Variants in CHRNA4 observed in about 807,000 individuals in gnomAD.
CHRNA4 encodes neuronal acetylcholine receptor subunit alpha-4.
In CHRNA4, 28 loss-of-function variants were observed where a neutral mutation model predicts 48.9. The observed-to-expected ratio is 0.57, with a 90% confidence interval of 0.42 to 0.79. The LOEUF is 0.79. CHRNA4 is among the 30% of genes least tolerant of loss of function. CHRNA4 has a pLI of 0.00. For synonymous variants in CHRNA4, 425 were observed against 402.3 expected (o/e 1.06, Z -0.68); for missense variants, 859 against 898.4 (o/e 0.96, Z 0.56).
chr20:63,355,286 G>A (rs777095886), intron 4 of CHRNA4: 10 of 352,626 alleles, frequency 2.8e-5, no homozygotes, highest in Non-Finnish European at 3.4e-5. Context: ...CGGCCAATCC[G>A]TGGCAACGCT....
At chr20:63,359,897 C>CCGGGCGTGCGCTG (rs2068783985) in intron 1 of CHRNA4, 198 bp from the exon 2 acceptor site, 1 of 406,052 alleles carries the variant, frequency 2.5e-6, no homozygotes, top group African/African-American at 3.4e-5. Flanking sequence ...CGGGCGTGTG[C>CCGGGCGTGCGCTG]TGTGTGTGTG....
chr20:63,350,794 C>G lies in CHRNA4; in HGVS notation c.617G>C (p.Ser206Thr), dbSNP rs121912249. 6.2e-7 allele frequency: 1 copy of G among 1,613,704 alleles called. No individual in the cohort carries two copies. The highest frequency in any genetic ancestry group is 1.3e-5 in the African/African-American group (1 of 74,866). ...GGCATCCACGATGACCCACTCGCCA[C>G]TCTCCCAGAAGTCCAGCTGGTCCAC... is the stretch of plus-strand genomic sequence containing the variant. Reference protein sequence around the residue: ...SRVDQLDFWESGEWVIVDAVG... With the variant: ...SRVDQLDFWETGEWVIVDAVG... Residue 206 changes from serine (S) to threonine (T), a missense_variant, in exon 5 of 6, where the codon AGT becomes ACT. Around this residue, in one of 3 missense-constraint regions of CHRNA4, gnomAD observed 342 missense variants for 365.3 expected, o/e 0.94. Coordinates refer to ENST00000370263, the MANE Select transcript of CHRNA4 (RefSeq NM_000744.7).
intron 4 of CHRNA4, among the ~76,000 whole-genome samples, chr20:63,354,966 A>C (rs1164993699): frequency 6.6e-6 from 1 of 152,118 alleles, no homozygotes. Context: ...CCATTACTGG[A>C]ATCAATTGAG....
chr20:63,345,266 T>C lies in CHRNA4; in HGVS notation c.*1472A>G. On this transcript the variant is annotated 3_prime_UTR_variant, in exon 6 of 6. Transcript: ENST00000370263. This position sits in a 1 kb window ranked among gnomAD's most constrained non-coding sequence, Gnocchi z 5.4. ...GCCCAACCCCATCCCCACCCCTGGC[T>C]GGATGGGGTCTGGGGGCAGCAGAAT... The C allele has an allele frequency of 2.2e-6, 1 of 452,422 alleles. No individual in the cohort carries two copies. The highest frequency in any genetic ancestry group is 1.6e-5 in the South Asian group (1 of 64,388). 28.0% of individuals were successfully genotyped at this position (452,422 alleles called of 1,614,324 possible).
At chr20:63,353,499 AGGGGGGGCTGCGGTC>A (rs2068649071) in intron 4 of CHRNA4, among the ~76,000 whole-genome samples, 4 of 11,566 alleles carry the variant, frequency 3.5e-4, no homozygotes, top group South Asian at 3.9e-3. Context: ...CTGTGGTCCT[AGGGGGGGCTGCGGTC>A]CTGGGGGGCT....
intron 4 of CHRNA4, among the ~76,000 whole-genome samples, chr20:63,352,541 C>CG (rs1204593474): frequency 3.9e-5 from 6 of 152,164 alleles, no homozygotes; most frequent in African/African-American, 1.4e-4. Flanking sequence ...GTCCCTCCAG[C>CG]GGGGGGCGGG....
rs202150684 is a variant in CHRNA4 at position 63,351,041 on chromosome 20, G to C, written c.384-14C>G. Reference sequence around the variant, plus strand: ...TCCCCGTCAGCACTGGGCAGGAAGAGAGCGAAGGGTGTGAGACCCCCACAT... The same window carrying C: ...TCCCCGTCAGCACTGGGCAGGAAGACAGCGAAGGGTGTGAGACCCCCACAT... On this transcript the variant is annotated splice_polypyrimidine_tract_variant and intron_variant, in intron 4 of 5. Coordinates refer to ENST00000370263, the MANE Select transcript of CHRNA4 (RefSeq NM_000744.7). The C allele has an allele frequency of 4.4e-5, 71 of 1,609,530 alleles. No homozygotes were observed. In the South Asian group the frequency reaches 6.5e-4, roughly 15 times the overall value.
chr20:63,353,518 G>A (rs1472686727), intron 4 of CHRNA4, among the ~76,000 whole-genome samples: 1 of 119,114 alleles, frequency 8.4e-6, no homozygotes, highest in Middle Eastern at 3.9e-3. Context: ...TGCGGTCCTG[G>A]GGGGCTGTGG....
rs1555835954 is a variant in CHRNA4, at chr20:63,343,639, C to CA, written c.*3098_*3099insT. On this transcript the variant is annotated 3_prime_UTR_variant, in exon 6 of 6. Coordinates refer to ENST00000370263, the MANE Select transcript of CHRNA4 (RefSeq NM_000744.7). ...CCACGTCGCCCCAGGCCGGGCCACA[C>CA]GGGAAGCACCCAGGCCGGTCCGGAG... 23 of 452,010 alleles carry CA rather than the reference C, an allele frequency of 5.1e-5. No individual in the cohort carries two copies. The highest frequency in any genetic ancestry group is 1.0e-4 in the Non-Finnish European group (23 of 225,266). 28.0% of individuals were successfully genotyped at this position (452,010 alleles called of 1,614,324 possible).
At position 63,349,596 on chromosome 20, in the gene CHRNA4, C is replaced by T. The variant is rs1053570957; in HGVS notation, c.1758+57G>A. ...TGGATTACACACCAGGAAGAAAGGG[C>T]GTCCGCCGGTTCCGTCTGGGTCAGA... is the stretch of plus-strand genomic sequence containing the variant. On this transcript the variant is annotated intron_variant, in intron 5 of 5. Transcript: ENST00000370263. 1.2e-5 allele frequency: 19 copies of T among 1,601,974 alleles called. No homozygotes were observed. In the South Asian group the frequency reaches 1.4e-4, roughly 12 times the overall value.
At chr20:63,346,955 C>T in intron 5 of CHRNA4, 92 bp from the exon 6 acceptor site, 2 of 1,567,602 alleles carry the variant, frequency 1.3e-6, no homozygotes, top group Non-Finnish European at 1.7e-6. Flanking sequence ...AACAGCTTCT[C>T]CACCTCCCAC....
intron 5 of CHRNA4, among the ~76,000 whole-genome samples, chr20:63,347,708 C>T (rs1327656919): frequency 6.6e-6 from 1 of 152,210 alleles, no homozygotes; most frequent in Non-Finnish European, 1.5e-5. Flanking sequence ...CCGTGTAGGA[C>T]CTGAGACAAC....
Position 63,345,526 on chromosome 20 carries a change from C to A in CHRNA4, c.*1212G>T. ...TCCAGGGTCATGCCTGGAAACATTT[C>A]AGGCCTCCCTCACCTCTGGATACCG... On this transcript the variant is annotated 3_prime_UTR_variant, in exon 6 of 6. Transcript: ENST00000370263. This position sits in a 1 kb window ranked among gnomAD's most constrained non-coding sequence, Gnocchi z 5.4. 1 of 412,130 alleles carries A rather than the reference C, an allele frequency of 2.4e-6. No individual in the cohort carries two copies. The highest frequency in any genetic ancestry group is 5.0e-6 in the Non-Finnish European group (1 of 200,030). 25.5% of individuals were successfully genotyped at this position (412,130 alleles called of 1,614,324 possible).
chr20:63,361,012 T>C, intron 1 of CHRNA4, 78 bp downstream of exon 1: 2 of 1,184,186 alleles, frequency 1.7e-6, no homozygotes, highest in Non-Finnish European at 2.2e-6. Context: ...GTCAGGAGCC[T>C]GCCTCCCTCT....
rs771284636 is a variant in CHRNA4 at position 63,350,721 on chromosome 20, G to A, written c.690C>T (p.Tyr230=). Residue 230 remains tyrosine, a synonymous_variant, in exon 5 of 6, where the codon TAC becomes TAT. Coordinates refer to ENST00000370263, the MANE Select transcript of CHRNA4 (RefSeq NM_000744.7). ...TRKYECCAEI[Y]PDITYAFVIR... ...TGACGAAGGCATAGGTGATGTCCGG[G>A]TAGATCTCGGCACAGCACTCGTACT... is the stretch of plus-strand genomic sequence containing the variant. 20 of 1,613,854 alleles carry A rather than the reference G, an allele frequency of 1.2e-5. No individual in the cohort carries two copies. In the South Asian group the frequency reaches 2.2e-4, roughly 18 times the overall value.
rs553997848 is a variant in CHRNA4, at chr20:63,343,308, G to C, written c.*3430C>G. On this transcript the variant is annotated 3_prime_UTR_variant, in exon 6 of 6. Transcript: ENST00000370263. ...TTGGCAGACATTGCCTGCAGAAGCC[G>C]GGCGGCCGCACCTGGGCTCGGCGGG... 4.5e-6 allele frequency: 2 copies of C among 446,348 alleles called. No individual in the cohort carries two copies. Among genetic ancestry groups the C allele is most frequent in the Admixed American group, 2.4e-5 (1 of 42,346 alleles). 27.6% of individuals were successfully genotyped at this position (446,348 alleles called of 1,614,324 possible).
chr20:63,347,611 G>C (rs559289285), intron 5 of CHRNA4, among the ~76,000 whole-genome samples: 2 of 152,200 alleles, frequency 1.3e-5, no homozygotes, highest in Non-Finnish European at 2.9e-5. Flanking sequence ...AGCCACTCTC[G>C]AGACAGCCGC....
chr20:63,361,310 G>C lies in CHRNA4; in HGVS notation c.-145C>G. The C allele has an allele frequency of 1.6e-6, 2 of 1,227,316 alleles. No individual in the cohort carries two copies. The highest frequency in any genetic ancestry group is 2.0e-6 in the Non-Finnish European group (2 of 986,816). 76.0% of individuals were successfully genotyped at this position (1,227,316 alleles called of 1,614,324 possible). A position where few individuals can be genotyped will look rare whatever the true frequency, so the allele number is the denominator to read the frequency against. ...CGGTTCGTCTTCTCCTGTGGGGCGCGGTGCGGCGGCGGCGCGGCAGGGAGC... is the reference window on the plus strand; with the variant it reads ...CGGTTCGTCTTCTCCTGTGGGGCGCCGTGCGGCGGCGGCGCGGCAGGGAGC... On this transcript the variant is annotated 5_prime_UTR_variant, in exon 1 of 6. Transcript: ENST00000370263.
intron 2 of CHRNA4, 44 bp downstream of exon 2, chr20:63,359,504 G>A (rs377528101): frequency 6.2e-7 from 1 of 1,611,138 alleles, no homozygotes; most frequent in Non-Finnish European, 8.5e-7. Flanking sequence ...GCTCCTTGCA[G>A]GGCGACCTCA....
Sources: gnomAD v4.1 joint callset for allele counts (sites outside exome capture counted in the v4.1 genomes callset) on GRCh38, gnomAD v4.1.1 for gene constraint, gnomAD v4.1.1 regional missense constraint, Gnocchi (gnomAD v3.1) non-coding constraint, MANE v1.5 for transcripts, NCBI Gene and HGNC (gene_info 2026-07-23, HGNC 2026-07-21) for gene names.